Variants in SLC38A7 observed in about 807,000 individuals in gnomAD.
The protein encoded by SLC38A7 is sodium-coupled neutral amino acid transporter 7.
A neutral mutation model predicts 50.1 loss-of-function variants in SLC38A7; 29 were observed. The ratio of observed to expected loss-of-function variants is 0.58; its 90% CI spans 0.43 to 0.79. The LOEUF is 0.79. Among genes scored for constraint, SLC38A7 ranks in the 30% least tolerant of loss-of-function variants. The pLI is 0.00. For missense variants in SLC38A7, 483 were observed against 610.6 expected (o/e 0.79, Z 2.20); for synonymous variants, 244 against 245.9 (o/e 0.99, Z 0.07).
In SLC38A7 at chr16:58,671,184, C is replaced by T. The variant is rs1399052350; in HGVS notation, c.1092G>A (p.Gly364=). ...GCAGCACTCGCCGCCGCCGCTCCCG[C>T]CCCACGTCCTCCTCCACTGGCACCC... ...YQGVPVEEDV[G]RERRRRVLQT... Residue 364 remains glycine (G), a synonymous_variant, in exon 10 of 12, where the codon GGG becomes GGA. Transcript: ENST00000219320. 6.2e-7 allele frequency: 1 copy of T among 1,613,970 alleles called. No homozygotes were observed. Among genetic ancestry groups the T allele is most frequent in the Admixed American group, 1.7e-5 (1 of 60,004 alleles).
Position 58,667,358 on chromosome 16 carries a change from G to A in SLC38A7, c.*27C>T. On this transcript the variant is annotated 3_prime_UTR_variant, in exon 12 of 12. Coordinates refer to ENST00000219320, the MANE Select transcript of SLC38A7 (RefSeq NM_018231.3). Reference sequence around the variant, plus strand: ...ATGGGTTCCTGCGACCAATGGCAAAGGCCTTGTGTTCCCTGGGAGGCAGTG... The same window carrying A: ...ATGGGTTCCTGCGACCAATGGCAAAAGCCTTGTGTTCCCTGGGAGGCAGTG... The A allele has an allele frequency of 6.2e-7, 1 of 1,609,830 alleles. No individual in the cohort carries two copies. The highest frequency in any genetic ancestry group is 8.5e-7 in the Non-Finnish European group (1 of 1,176,234).
intron 10 of SLC38A7, among the ~76,000 whole-genome samples, 180 bp from the exon 11 acceptor site, chr16:58,670,347 G>A (rs555000181): frequency 3.7e-4 from 57 of 152,318 alleles, no homozygotes; most frequent in Non-Finnish European, 7.1e-4. Context: ...GCTCTCCCAT[G>A]ACAGGCTGGC....
At position 58,684,012 on chromosome 16, in the gene SLC38A7, C is replaced by T. The variant is rs941147668; in HGVS notation, c.-173G>A. The T allele has an allele frequency of 6.6e-6, 1 of 152,422 alleles. No individual in the cohort carries two copies. The allele number at this position is 152,422 out of a possible 1,614,324, so 9.4% of individuals were successfully genotyped here. On this transcript the variant is annotated 5_prime_UTR_variant, in exon 2 of 12. Transcript: ENST00000219320. ...GCGGTTGCTCCTTCTCCCCAAAGGT[C>T]TGGGATCTGATTCTCCTCACTTCCC... is the stretch of plus-strand genomic sequence containing the variant.
intron 11 of SLC38A7, among the ~76,000 whole-genome samples, chr16:58,669,772 C>T (rs372818423): frequency 2.0e-5 from 3 of 151,624 alleles, no homozygotes; most frequent in African/African-American, 4.8e-5. Context: ...GTCAGGAGTT[C>T]GAGACCGGCC....
At chr16:58,669,093 GT>G (rs1445626510) in intron 11 of SLC38A7, among the ~76,000 whole-genome samples, 1 of 79,318 alleles carries the variant, frequency 1.3e-5, no homozygotes, top group Non-Finnish European at 2.6e-5. Flanking sequence ...TTTTAGACAT[GT>G]TTGTATGGCT....
intron 2 of SLC38A7, among the ~76,000 whole-genome samples, chr16:58,681,169 C>T (rs188440086): frequency 5.3e-5 from 8 of 152,296 alleles, no homozygotes; most frequent in Admixed American, 2.0e-4. Flanking sequence ...CAATGCAGCC[C>T]TAAAAGGTAG....
At chr16:58,684,689 C>G (rs2044455196) in intron 1 of SLC38A7, 28 bp downstream of exon 1, 1 of 152,316 alleles carries the variant, frequency 6.6e-6, no homozygotes, top group Non-Finnish European at 1.5e-5. Flanking sequence ...ACACTTCCAC[C>G]CTCCAGAGCC....
chr16:58,669,975 A>C (rs76377349), intron 11 of SLC38A7, 138 bp downstream of exon 11: 1 of 241,770 alleles, frequency 4.1e-6, no homozygotes, highest in Non-Finnish European at 6.7e-6. Flanking sequence ...ACTCCGGCTC[A>C]AAAAAAAAAA....
At chr16:58,676,165 C>A in intron 7 of SLC38A7, 111 bp from the exon 8 acceptor site, 1 of 1,547,152 alleles carries the variant, frequency 6.5e-7, no homozygotes, top group Non-Finnish European at 8.9e-7. Flanking sequence ...GTCCTGAGGC[C>A]CCTGTTCCAT....
chr16:58,682,047 TGCAGGAGGCTGAG>T (rs2044400721), intron 2 of SLC38A7, among the ~76,000 whole-genome samples: 1 of 151,986 alleles, frequency 6.6e-6, no homozygotes, highest in African/African-American at 2.4e-5. Context: ...ATCCCAGCTG[TGCAGGAGGCTGAG>T]GCAGGAGAAT....
intron 2 of SLC38A7, among the ~76,000 whole-genome samples, chr16:58,680,964 T>C (rs1051713229): frequency 6.6e-6 from 1 of 152,198 alleles, no homozygotes; most frequent in Non-Finnish European, 1.5e-5. Flanking sequence ...CACTGAGCTC[T>C]TCTTGGAGCC....
Position 58,665,236 on chromosome 16 carries a change from C to G in SLC38A7, c.*2149G>C, listed in dbSNP as rs1050147707. On this transcript the variant is annotated 3_prime_UTR_variant, in exon 12 of 12. Transcript: ENST00000219320. ...TGGGAGGGGGCTCCTGAGGTTAGGA[C>G]AAGAGGCCAGATTCCAGCTCCTTCT... 1 of 152,296 alleles carries G rather than the reference C, an allele frequency of 6.6e-6. No homozygotes were observed. Among genetic ancestry groups the G allele is most frequent in the Non-Finnish European group, 1.5e-5 (1 of 68,156 alleles). 9.4% of individuals were successfully genotyped at this position (152,296 alleles called of 1,614,324 possible).
At chr16:58,683,254 G>A (rs2044429929) in intron 2 of SLC38A7, among the ~76,000 whole-genome samples, 1 of 152,144 alleles carries the variant, frequency 6.6e-6, no homozygotes, top group Non-Finnish European at 1.5e-5. Flanking sequence ...CCTAACCATT[G>A]GGCCACCCTC....
rs1431693681 is a variant in SLC38A7 at position 58,684,135 on chromosome 16, C to G, written c.-296G>C. 1 of 152,402 alleles carries G rather than the reference C, an allele frequency of 6.6e-6. No individual in the cohort carries two copies. Among genetic ancestry groups the G allele is most frequent in the Non-Finnish European group, 1.5e-5 (1 of 68,176 alleles). The allele number at this position is 152,402 out of a possible 1,614,324, so 9.4% of individuals were successfully genotyped here. On this transcript the variant is annotated 5_prime_UTR_variant, in exon 2 of 12. Coordinates refer to ENST00000219320, the MANE Select transcript of SLC38A7 (RefSeq NM_018231.3). ...TACTTCTGTGCTGGCTTCAGCAGAG[C>G]TGGAGGAAACTGAGCGGCTCTCACG...
chr16:58,673,083 A>ATT lies in SLC38A7; in HGVS notation c.884-842_884-841dup, dbSNP rs34081609. On this transcript the variant is annotated intron_variant, in intron 8 of 11. Transcript: ENST00000219320. The stretch of plus-strand genomic sequence containing the variant: ...GCTGGGATTACACCATGCCCGGCTA[A>ATT]TTTTTTTTTTTTTTTTTTTTTTTTT... 4.7e-3 allele frequency among the ~76,000 whole-genome samples: 281 copies of ATT among 60,394 alleles called. 19 individuals carry two copies. The highest frequency in any genetic ancestry group is 9.2e-3 in the South Asian group (12 of 1,298). 39.6% of individuals were successfully genotyped at this position (60,394 alleles called of 152,430 possible).
chr16:58,676,171 T>A lies in SLC38A7; in HGVS notation c.769-117A>T, dbSNP rs747354703. On this transcript the variant is annotated intron_variant, in intron 7 of 11. Transcript: ENST00000219320. ...AAGGGGCAAGTCCTGAGGCCCCTGT[T>A]CCATCCTTCCCCCCAGGATTTCCTC... 1.8e-5 allele frequency: 28 copies of A among 1,556,608 alleles called. No homozygotes were observed. The highest frequency in any genetic ancestry group is 2.4e-5 in the Non-Finnish European group (27 of 1,129,100).
chr16:58,670,520 C>T (rs1368176406), intron 10 of SLC38A7, among the ~76,000 whole-genome samples: 1 of 152,224 alleles, frequency 6.6e-6, no homozygotes, highest in African/African-American at 2.4e-5. Context: ...GGGTGGCTTC[C>T]TGGATAGAGA....
chr16:58,677,579 G>A (rs1279869854), intron 5 of SLC38A7, 155 bp from the exon 6 acceptor site: 2 of 641,946 alleles, frequency 3.1e-6, no homozygotes, highest in Admixed American at 2.5e-5. Flanking sequence ...CTGAGAAGTA[G>A]TTTCAGAGAA....
At position 58,665,171 on chromosome 16, in the gene SLC38A7, G is replaced by T. The variant is rs1418996247; in HGVS notation, c.*2214C>A. Reference sequence around the variant, plus strand: ...TTCTCGAGTATACACAAGTAGAAAAGAAACAGTGAAGTACCCCGATAGGGA... The same window carrying T: ...TTCTCGAGTATACACAAGTAGAAAATAAACAGTGAAGTACCCCGATAGGGA... On this transcript the variant is annotated 3_prime_UTR_variant, in exon 12 of 12. Coordinates refer to ENST00000219320, the MANE Select transcript of SLC38A7 (RefSeq NM_018231.3). The T allele has an allele frequency of 6.6e-6, 1 of 152,328 alleles. No homozygotes were observed. Among genetic ancestry groups the T allele is most frequent in the African/African-American group, 2.4e-5 (1 of 41,466 alleles). 9.4% of individuals were successfully genotyped at this position (152,328 alleles called of 1,614,324 possible).
Sources: allele counts gnomAD v4.1 joint callset (sites outside exome capture counted in the v4.1 genomes callset), GRCh38; gene constraint gnomAD v4.1.1; transcripts MANE v1.5; gene names NCBI Gene and HGNC (gene_info 2026-07-23, HGNC 2026-07-21).